Variants in TRAPPC12 observed in about 807,000 individuals in gnomAD.
TRAPPC12 encodes TPR repeat protein 15.
In TRAPPC12, 61 loss-of-function variants were observed where a neutral mutation model predicts 69.2. The observed-to-expected ratio is 0.88, with a 90% CI of 0.72 to 1.09. The LOEUF is 1.09. Among genes scored for constraint, TRAPPC12 ranks in the 50% least tolerant of loss-of-function variants. The pLI, the probability that TRAPPC12 is intolerant of heterozygous loss-of-function variation, is 0.00. For synonymous variants in TRAPPC12, 469 were observed against 438.9 expected (o/e 1.07, Z -0.86); for missense variants, 1,101 against 1,016.4 (o/e 1.08, Z -1.13).
chr2:3,402,140 T>C (rs1217756512), intron 3 of TRAPPC12, among the ~76,000 whole-genome samples: 1 of 152,236 alleles, frequency 6.6e-6, no homozygotes, highest in African/African-American at 2.4e-5. Context: ...CAGTGCATAC[T>C]TTGATTGAGT....
chr2:3,407,093 G>A (rs1661772845), intron 3 of TRAPPC12, among the ~76,000 whole-genome samples: 1 of 152,186 alleles, frequency 6.6e-6, no homozygotes, highest in South Asian at 2.1e-4. Flanking sequence ...ATTTCCCTAA[G>A]TTATGTCAGA....
intron 2 of TRAPPC12, among the ~76,000 whole-genome samples, chr2:3,400,356 G>A (rs113624326): frequency 5.1e-4 from 71 of 138,712 alleles, no homozygotes; most frequent in Non-Finnish European, 8.5e-4. Context: ...TGTCTCTGGC[G>A]TTTCAGGGAC....
intron 1 of TRAPPC12, among the ~76,000 whole-genome samples, chr2:3,386,225 AAAG>A (rs1355494371): frequency 2.6e-5 from 4 of 152,224 alleles, no homozygotes; most frequent in Non-Finnish European, 4.4e-5. Context: ...TTTAAGTAAA[AAAG>A]GTACGTGTTG....
chr2:3,385,754 T>C (rs531302436), intron 1 of TRAPPC12, among the ~76,000 whole-genome samples: 1 of 152,362 alleles, frequency 6.6e-6, no homozygotes, highest in African/African-American at 2.4e-5. Flanking sequence ...TCAATTCTTA[T>C]TTCTAAAATA....
chr2:3,439,042 A>G (rs1464080078), intron 5 of TRAPPC12, among the ~76,000 whole-genome samples: 1 of 152,094 alleles, frequency 6.6e-6, no homozygotes, highest in Non-Finnish European at 1.5e-5. Flanking sequence ...CAAAACTTTC[A>G]TACTATTTTG....
Position 3,457,706 on chromosome 2 carries a change from G to T in TRAPPC12, c.1603+13G>T, listed in dbSNP as rs1263001372. On this transcript the variant is annotated intron_variant, in intron 7 of 11. Coordinates refer to ENST00000324266, the MANE Select transcript of TRAPPC12 (RefSeq NM_016030.6). Reference sequence around the variant, plus strand: ...GAGGGCAGACAAGGTGGGTCGGCCGGACTTTGCTGACTAGATGCTTCTCGG... The same window carrying T: ...GAGGGCAGACAAGGTGGGTCGGCCGTACTTTGCTGACTAGATGCTTCTCGG... 1.9e-6 allele frequency: 3 copies of T among 1,608,048 alleles called. No homozygotes were observed. Among genetic ancestry groups the T allele is most frequent in the African/African-American group, 2.7e-5 (2 of 74,912 alleles).
Position 3,388,301 on chromosome 2 carries a change from C to A in TRAPPC12, c.678C>A (p.Ser226=), listed in dbSNP as rs189855582. The part of the protein sequence containing the change: ...SHSLASDFFD[S]FTTSAFISVS... ...CCTTGGCCTCGGACTTCTTCGACTC[C>A]TTTACTACCTCCGCCTTCATTTCCG... is the stretch of plus-strand genomic sequence containing the variant. The change falls in exon 2 of 12, where the codon TCC becomes TCA. Residue 226 remains serine (S), a synonymous_variant. Coordinates refer to ENST00000324266, the MANE Select transcript of TRAPPC12 (RefSeq NM_016030.6). 2 of 1,607,364 alleles carry A rather than the reference C, an allele frequency of 1.2e-6. No homozygotes were observed. The highest frequency in any genetic ancestry group is 3.4e-5 in the Admixed American group (2 of 59,644).
chr2:3,469,418 G>A (rs574880782), intron 9 of TRAPPC12, among the ~76,000 whole-genome samples: 1 of 152,342 alleles, frequency 6.6e-6, no homozygotes, highest in Admixed American at 6.5e-5. Context: ...TAGAAAGTAC[G>A]GGACGAGGTT....
In TRAPPC12 at chr2:3,414,478, C is replaced by T. The variant is rs1257853512; in HGVS notation, c.1165-7403C>T. On this transcript the variant is annotated intron_variant, in intron 3 of 11. Coordinates refer to ENST00000324266, the MANE Select transcript of TRAPPC12 (RefSeq NM_016030.6). The surrounding 1 kb of genome is among the most constrained non-coding windows in gnomAD (Gnocchi z 4.9). ...CCCCCTGCCGCCACCCTGGGGTCTG[C>T]CACTCTGGGGTCCAGCCTCTAGCTC... 6.6e-6 allele frequency among the ~76,000 whole-genome samples: 1 copy of T among 152,076 alleles called. No individual in the cohort carries two copies. The highest frequency in any genetic ancestry group is 1.9e-4 in the East Asian group (1 of 5,178).
intron 3 of TRAPPC12, among the ~76,000 whole-genome samples, chr2:3,420,131 C>G (rs1020966492): frequency 6.6e-6 from 1 of 152,076 alleles, no homozygotes; most frequent in Non-Finnish European, 1.5e-5. Context: ...AGGGGTCCTT[C>G]GATAGGTCAG....
chr2:3,395,055 T>C (rs548696423), intron 2 of TRAPPC12, among the ~76,000 whole-genome samples: 5 of 152,338 alleles, frequency 3.3e-5, no homozygotes, highest in African/African-American at 1.2e-4. Flanking sequence ...TAGTATACTT[T>C]CTGGGGCTTA....
At chr2:3,479,017 G>A in intron 11 of TRAPPC12, 84 bp downstream of exon 11, 1 of 1,502,790 alleles carries the variant, frequency 6.7e-7, no homozygotes, top group Non-Finnish European at 9.2e-7. Flanking sequence ...CTCAGCAGGG[G>A]CCTGCGCTCT....
At chr2:3,443,252 C>CCCAT (rs1406315839) in intron 5 of TRAPPC12, among the ~76,000 whole-genome samples, 5 of 152,188 alleles carry the variant, frequency 3.3e-5, no homozygotes, top group Admixed American at 1.3e-4. Context: ...CAGTGGGAGG[C>CCCAT]CCATCCCCAG....
intron 5 of TRAPPC12, among the ~76,000 whole-genome samples, chr2:3,429,426 T>A (rs2103070070): frequency 6.6e-6 from 1 of 152,342 alleles, no homozygotes; most frequent in East Asian, 1.9e-4. Context: ...GAACTTCACT[T>A]GCATAGTGAT....
chr2:3,431,917 A>G (rs1327751659), intron 5 of TRAPPC12, among the ~76,000 whole-genome samples: 1 of 152,234 alleles, frequency 6.6e-6, no homozygotes. Context: ...AAATTTTTCC[A>G]GACCCCCACC....
At chr2:3,440,686 C>G (rs995859741) in intron 5 of TRAPPC12, among the ~76,000 whole-genome samples, 9 of 152,122 alleles carry the variant, frequency 5.9e-5, no homozygotes, top group Admixed American at 3.3e-4. Flanking sequence ...GCTCGAACTT[C>G]CAGTACAATG....
chr2:3,461,913 G>A (rs957977308), intron 8 of TRAPPC12, among the ~76,000 whole-genome samples: 9 of 152,222 alleles, frequency 5.9e-5, no homozygotes, highest in African/African-American at 2.4e-5. Context: ...CCCAAAACAG[G>A]CCATTCTCCC....
At chr2:3,402,129 GCAGTGC>G (rs1272426149) in intron 3 of TRAPPC12, among the ~76,000 whole-genome samples, 2 of 152,238 alleles carry the variant, frequency 1.3e-5, no homozygotes, top group Non-Finnish European at 2.9e-5. Flanking sequence ...ATTACTCAAA[GCAGTGC>G]ATACTTTGAT....
intron 1 of TRAPPC12, among the ~76,000 whole-genome samples, chr2:3,380,171 G>GA (rs1231004468): frequency 1.3e-5 from 2 of 152,154 alleles, no homozygotes; most frequent in Non-Finnish European, 1.5e-5. Context: ...AAGCGTGTGG[G>GA]AAACTACCCG....
Sources: allele counts gnomAD v4.1 joint callset (sites outside exome capture counted in the v4.1 genomes callset), GRCh38; gene constraint gnomAD v4.1.1; non-coding constraint Gnocchi (gnomAD v3.1); transcripts MANE v1.5; gene names NCBI Gene and HGNC (gene_info 2026-07-23, HGNC 2026-07-21).